SLC24A2: variants seen among roughly 807,000 people sequenced by gnomAD.
SLC24A2 encodes sodium/potassium/calcium exchanger 2.
Under a neutral mutation model 62.0 loss-of-function variants are expected in SLC24A2, and 36 were observed. That is an observed-to-expected ratio of 0.58 (90% CI 0.44 to 0.77). The LOEUF is 0.77. Ranked by LOEUF, SLC24A2 falls within the 30% of genes least tolerant of loss-of-function variation. The pLI is 0.00. For synonymous variants in SLC24A2, 358 were observed against 294.0 expected (o/e 1.22, Z -2.23); for missense variants, 846 against 817.9 (o/e 1.03, Z -0.42).
the SLC24A2 span, among the ~76,000 whole-genome samples, chr9:19,986,597 AT>A: frequency 0.015 from 2,209 of 152,280 alleles, 48 homozygotes; most frequent in African/African-American, 0.05. Flanking sequence ...CCAATGTAAT[AT>A]TATTCAGCCA....
At chr9:19,772,922 A>C (rs1485866398) in intron 2 of SLC24A2, among the ~76,000 whole-genome samples, 3 of 152,230 alleles carry the variant, frequency 2.0e-5, no homozygotes, top group Non-Finnish European at 4.4e-5. Context: ...CCTAATACCC[A>C]AAATGTGAAA....
intron 2 of SLC24A2, among the ~76,000 whole-genome samples, chr9:19,627,021 A>G (rs1818052101): frequency 6.6e-6 from 1 of 152,214 alleles, no homozygotes; most frequent in African/African-American, 2.4e-5. Context: ...GGGAGATTAA[A>G]TAAATTCCTA....
the SLC24A2 span, among the ~76,000 whole-genome samples, chr9:20,094,397 C>T: frequency 1.3e-5 from 2 of 152,180 alleles, no homozygotes; most frequent in Non-Finnish European, 2.9e-5. Flanking sequence ...CCTGTCACTA[C>T]AACAAAAGGA....
At chr9:19,641,753 A>G (rs1167427279) in intron 2 of SLC24A2, among the ~76,000 whole-genome samples, 1 of 152,206 alleles carries the variant, frequency 6.6e-6, no homozygotes, top group Non-Finnish European at 1.5e-5. Context: ...AGGCTATAAA[A>G]GCAACACATT....
the SLC24A2 span, among the ~76,000 whole-genome samples, chr9:20,187,675 C>T: frequency 3.8e-3 from 579 of 152,326 alleles, no homozygotes; most frequent in Middle Eastern, 6.8e-3. Flanking sequence ...GGGGTCACTT[C>T]CTCTAGGAGT....
chr9:19,774,396 C>A (rs1437375031), intron 2 of SLC24A2, among the ~76,000 whole-genome samples: 1 of 152,116 alleles, frequency 6.6e-6, no homozygotes, highest in Non-Finnish European at 1.5e-5. Flanking sequence ...CTGTCCTAGG[C>A]CTAAATAATA....
At chr9:19,604,072 G>C (rs1563992807) in intron 4 of SLC24A2, among the ~76,000 whole-genome samples, 1 of 152,190 alleles carries the variant, frequency 6.6e-6, no homozygotes. Flanking sequence ...CAGAGTAAAG[G>C]GGCACTCTGT....
the SLC24A2 span, among the ~76,000 whole-genome samples, chr9:20,098,628 T>C: frequency 0.068 from 10,290 of 152,260 alleles, 467 homozygotes; most frequent in Middle Eastern, 0.15. Context: ...AACTGGCCAC[T>C]TCCCCTTTGT....
the SLC24A2 span, among the ~76,000 whole-genome samples, chr9:20,130,951 C>G: frequency 6.6e-6 from 1 of 151,268 alleles, no homozygotes; most frequent in Non-Finnish European, 1.5e-5. Flanking sequence ...CCCAGCATGA[C>G]TTTCCTGCCC....
intron 2 of SLC24A2, among the ~76,000 whole-genome samples, chr9:19,654,294 C>T (rs911811447): frequency 1.3e-5 from 2 of 152,194 alleles, no homozygotes; most frequent in Non-Finnish European, 2.9e-5. Context: ...TTGCTTGGAC[C>T]TTTGGCTTCA....
At chr9:20,091,483 T>A in the SLC24A2 span, among the ~76,000 whole-genome samples, 1 of 151,814 alleles carries the variant, frequency 6.6e-6, no homozygotes, top group African/African-American at 2.4e-5. Context: ...GGAAACCCCA[T>A]CAGGCTACCA....
At chr9:20,063,362 AATC>A in the SLC24A2 span, among the ~76,000 whole-genome samples, 1 of 150,860 alleles carries the variant, frequency 6.6e-6, no homozygotes, top group Non-Finnish European at 1.5e-5. Context: ...TGAAATCGGA[AATC>A]ATCATTCTCA....
the SLC24A2 span, among the ~76,000 whole-genome samples, chr9:20,102,461 G>A: frequency 6.7e-6 from 1 of 149,916 alleles, no homozygotes; most frequent in African/African-American, 2.5e-5. Flanking sequence ...ATAGACACAG[G>A]GAGGTGAACA....
At chr9:19,612,838 C>G (rs1287554456) in intron 4 of SLC24A2, among the ~76,000 whole-genome samples, 2 of 152,126 alleles carry the variant, frequency 1.3e-5, no homozygotes, top group African/African-American at 2.4e-5. Context: ...ATACCAAGAC[C>G]CTGTTTCTAA....
chr9:19,919,241 C>T, the SLC24A2 span, among the ~76,000 whole-genome samples: 1,439 of 152,108 alleles, frequency 9.5e-3, 30 homozygotes, highest in African/African-American at 0.032. Flanking sequence ...AGCAAACAGG[C>T]CCAGAGATGC....
the SLC24A2 span, among the ~76,000 whole-genome samples, chr9:20,127,625 A>G: frequency 1.3e-5 from 2 of 152,126 alleles, no homozygotes; most frequent in South Asian, 4.1e-4. Context: ...GAGATTTTCA[A>G]TGAGATAACT....
chr9:19,573,140 G>C (rs1235249363), intron 7 of SLC24A2, among the ~76,000 whole-genome samples: 1 of 152,140 alleles, frequency 6.6e-6, no homozygotes, highest in Non-Finnish European at 1.5e-5. Context: ...GTGGCTTAGA[G>C]AATATTCATA....
At chr9:20,177,090 A>G in the SLC24A2 span, among the ~76,000 whole-genome samples, 1 of 152,076 alleles carries the variant, frequency 6.6e-6, no homozygotes, top group Non-Finnish European at 1.5e-5. Flanking sequence ...TCCATAGCAA[A>G]TATTAGATTG....
chr9:19,665,264 C>T (rs944627252), intron 2 of SLC24A2, among the ~76,000 whole-genome samples: 2 of 152,056 alleles, frequency 1.3e-5, no homozygotes, highest in African/African-American at 2.4e-5. Flanking sequence ...AAAAAGTAGG[C>T]GGTTTACGCT....
Sources: gnomAD v4.1 joint callset for allele counts (sites outside exome capture counted in the v4.1 genomes callset) on GRCh38, gnomAD v4.1.1 for gene constraint, MANE v1.5 for transcripts, NCBI Gene and HGNC (gene_info 2026-07-23, HGNC 2026-07-21) for gene names.